Variants in INVS observed in about 807,000 individuals in gnomAD.
INVS encodes the protein inversin, also known as inversion of embryo turning homolog.
Under a neutral mutation model 108.8 loss-of-function variants are expected in INVS, and 86 were observed. The ratio of observed to expected loss-of-function variants is 0.79; its 90% confidence interval spans 0.66 to 0.95. The LOEUF (loss-of-function observed/expected upper bound fraction) is 0.95, where lower values mean the gene tolerates loss of function less well. Among genes scored for constraint, INVS ranks in the 40% least tolerant of loss-of-function variants. INVS has a pLI of 0.00. For missense variants in INVS, 1,169 were observed against 1,297.4 expected (o/e 0.90, Z 1.52); for synonymous variants, 455 against 473.5 (o/e 0.96, Z 0.51).
At chr9:100,273,404 C>T (rs951795838) in intron 12 of INVS, among the ~76,000 whole-genome samples, 2 of 152,044 alleles carry the variant, frequency 1.3e-5, no homozygotes, top group Admixed American at 1.3e-4. Flanking sequence ...ATAACTGCTC[C>T]TCTTACCCTT....
intron 7 of INVS, among the ~76,000 whole-genome samples, chr9:100,242,950 G>T (rs1187199288): frequency 6.6e-6 from 1 of 152,090 alleles, no homozygotes; most frequent in Non-Finnish European, 1.5e-5. Context: ...GCTTTGCCCA[G>T]ATTTACTTAG....
chr9:100,101,010 T>C (rs1451232977), intron 1 of INVS, among the ~76,000 whole-genome samples: 1 of 95,080 alleles, frequency 1.1e-5, no homozygotes, highest in Non-Finnish European at 2.0e-5. Flanking sequence ...AATATATATA[T>C]TATATGTATA....
rs746060368 is a variant in INVS, at chr9:100,264,944, CTTT to C, written c.1571+30_1571+32del. The C allele has an allele frequency of 8.4e-4, 1,033 of 1,236,292 alleles. 1 individual carries two copies. Among genetic ancestry groups the C allele is most frequent in the Non-Finnish European group, 1.0e-3 (892 of 877,510 alleles). The allele number at this position is 1,236,292 out of a possible 1,614,324, so 76.6% of individuals were successfully genotyped here. On this transcript the variant is annotated intron_variant, in intron 11 of 16. Transcript: ENST00000262457. ...ATGAAGAGAGGTAAGTTGTTGTTGA[CTTT>C]TTTTTTTTTTTTTGAGATGGCTTCT...
chr9:100,100,694 ATATG>A lies in INVS; in HGVS notation c.-25+1281_-25+1284del, dbSNP rs1226498226. Among the ~76,000 whole-genome samples the A allele has an allele frequency of 2.3e-4, 11 of 48,040 alleles. 1 individual carries two copies. The highest frequency in any genetic ancestry group is 3.8e-4 in the Admixed American group (1 of 2,622). 31.5% of individuals were successfully genotyped at this position (48,040 alleles called of 152,430 possible). A position where few individuals can be genotyped will look rare whatever the true frequency, so the allele number is the denominator to read the frequency against. On this transcript the variant is annotated intron_variant, in intron 1 of 16. Coordinates refer to ENST00000262457, the MANE Select transcript of INVS (RefSeq NM_014425.5). ...TATGTACATATAATATATATATTAT[ATATG>A]TACATATAATATATATATTATATGT... is the stretch of plus-strand genomic sequence containing the variant.
chr9:100,249,931 C>G (rs1832173727), intron 8 of INVS, among the ~76,000 whole-genome samples: 1 of 151,790 alleles, frequency 6.6e-6, no homozygotes. Flanking sequence ...GTGGTGAAAC[C>G]CCGTCTCTGC....
At chr9:100,239,663 G>A (rs892337373) in intron 5 of INVS, among the ~76,000 whole-genome samples, 5 of 151,860 alleles carry the variant, frequency 3.3e-5, no homozygotes, top group East Asian at 1.9e-4. Flanking sequence ...GTCTTATTTC[G>A]AAAATTCCTC....
At chr9:100,108,892 C>G (rs1226896699) in intron 2 of INVS, among the ~76,000 whole-genome samples, 1 of 152,200 alleles carries the variant, frequency 6.6e-6, no homozygotes, top group Non-Finnish European at 1.5e-5. Flanking sequence ...TAACCTAATA[C>G]AGTGGATTAA....
intron 11 of INVS, among the ~76,000 whole-genome samples, chr9:100,271,848 A>G (rs1185569348): frequency 5.3e-5 from 8 of 150,934 alleles, no homozygotes; most frequent in Non-Finnish European, 1.2e-4. Flanking sequence ...CAGATTTGTC[A>G]ATCTTCTTTT....
At chr9:100,100,827 G>T (rs1381910944) in intron 1 of INVS, among the ~76,000 whole-genome samples, 1 of 20,926 alleles carries the variant, frequency 4.8e-5, no homozygotes, top group African/African-American at 2.0e-4. Context: ...TATAATATAT[G>T]TATATATAAT....
chr9:100,264,618 C>CAAA (rs36049678), intron 10 of INVS, among the ~76,000 whole-genome samples: 3 of 127,308 alleles, frequency 2.4e-5, no homozygotes, highest in African/African-American at 5.8e-5. Context: ...AACTCCGTCT[C>CAAA]AAAAAAAAAA....
intron 7 of INVS, 98 bp downstream of exon 7, chr9:100,242,777 A>G: frequency 3.9e-6 from 3 of 766,578 alleles, no homozygotes; most frequent in Non-Finnish European, 7.1e-6. Flanking sequence ...ATACAACAAG[A>G]TTGCATGTAC....
At chr9:100,190,879 G>A (rs1436626156) in intron 3 of INVS, among the ~76,000 whole-genome samples, 1 of 148,836 alleles carries the variant, frequency 6.7e-6, no homozygotes, top group Non-Finnish European at 1.5e-5. Context: ...TTTTTCTTCT[G>A]AGACAGAGTC....
At chr9:100,200,154 A>G (rs1418483644) in intron 3 of INVS, among the ~76,000 whole-genome samples, 1 of 151,784 alleles carries the variant, frequency 6.6e-6, no homozygotes. Context: ...TTTTTATGTA[A>G]TTTTTCTCTG....
At position 100,151,851 on chromosome 9, in the gene INVS, T is replaced by C. The variant is rs576456856; in HGVS notation, c.273+25302T>C. ...ATGTGATACCTACAACAGAATACAA[T>C]GCCAGTCTGATGAGCTCAGAGTGTT... On this transcript the variant is annotated intron_variant, in intron 3 of 16. Coordinates refer to ENST00000262457, the MANE Select transcript of INVS (RefSeq NM_014425.5). Among the ~76,000 whole-genome samples the C allele has an allele frequency of 2.0e-5, 3 of 152,342 alleles. No individual in the cohort carries two copies. The South Asian group carries it at 6.2e-4, about 32-fold the overall frequency.
At chr9:100,287,639 G>A (rs574655563) in intron 13 of INVS, among the ~76,000 whole-genome samples, 13 of 152,226 alleles carry the variant, frequency 8.5e-5, no homozygotes, top group African/African-American at 2.2e-4. Flanking sequence ...TTCCCCGCTC[G>A]CTCATGCTCT....
chr9:100,132,714 T>C (rs891661026), intron 3 of INVS, among the ~76,000 whole-genome samples: 3 of 152,222 alleles, frequency 2.0e-5, no homozygotes, highest in Non-Finnish European at 4.4e-5. Flanking sequence ...TCTACTCCTT[T>C]TACATCTCTT....
chr9:100,246,513 A>T, intron 7 of INVS, 103 bp from the exon 8 acceptor site: 1 of 779,750 alleles, frequency 1.3e-6, no homozygotes, highest in East Asian at 2.7e-5. Context: ...GCAAGGGGAA[A>T]ATGCTTTGCT....
intron 10 of INVS, among the ~76,000 whole-genome samples, chr9:100,263,093 CTT>C (rs1184987890): frequency 6.6e-6 from 1 of 152,064 alleles, no homozygotes; most frequent in Non-Finnish European, 1.5e-5. Flanking sequence ...TTGCTCCTGT[CTT>C]TTTTATTTTC....
At chr9:100,156,267 T>A (rs934957430) in intron 3 of INVS, among the ~76,000 whole-genome samples, 2 of 150,324 alleles carry the variant, frequency 1.3e-5, no homozygotes, top group Non-Finnish European at 3.0e-5. Context: ...CTTTTTTTTT[T>A]TTTTTTTTTT....
Sources: gnomAD v4.1 joint callset for allele counts (sites outside exome capture counted in the v4.1 genomes callset) on GRCh38, gnomAD v4.1.1 for gene constraint, MANE v1.5 for transcripts, NCBI Gene and HGNC (gene_info 2026-07-23, HGNC 2026-07-21) for gene names.